Variants in LSAMP observed in about 807,000 individuals in gnomAD.
LSAMP encodes limbic system associated membrane protein.
In LSAMP, 7 loss-of-function variants were observed where a neutral mutation model predicts 38.6. The observed-to-expected ratio is 0.18, with a 90% CI of 0.10 to 0.34. The LOEUF is 0.34. LSAMP is among the 10% of genes least tolerant of loss of function. The probability of loss-of-function intolerance (pLI) is 1.00; values close to 1 mark genes in which losing one functional copy is unlikely to be tolerated. For missense variants in LSAMP, 313 were observed against 420.0 expected (o/e 0.75, Z 2.23); for synonymous variants, 154 against 166.8 (o/e 0.92, Z 0.59).
At chr3:116,278,993 G>A (rs1435610283) in intron 1 of LSAMP, among the ~76,000 whole-genome samples, 6 of 152,016 alleles carry the variant, frequency 3.9e-5, no homozygotes, top group South Asian at 2.1e-4. Flanking sequence ...TAAAACTATC[G>A]GCAAGTTTAT....
chr3:116,298,098 GTGTC>G (rs887554213), intron 1 of LSAMP, among the ~76,000 whole-genome samples: 3 of 152,010 alleles, frequency 2.0e-5, no homozygotes, highest in Non-Finnish European at 2.9e-5. Context: ...ATTCATCTAG[GTGTC>G]TGTCTATCTA....
At chr3:115,899,720 C>T (rs1313267836) in intron 3 of LSAMP, among the ~76,000 whole-genome samples, 1 of 152,178 alleles carries the variant, frequency 6.6e-6, no homozygotes, top group Non-Finnish European at 1.5e-5. Flanking sequence ...ATAGTCCAAA[C>T]ATCAACTTTG....
At chr3:116,380,241 C>T (rs779099597) in intron 1 of LSAMP, among the ~76,000 whole-genome samples, 13 of 151,888 alleles carry the variant, frequency 8.6e-5, no homozygotes, top group Non-Finnish European at 1.8e-4. Context: ...GTATTTGGAG[C>T]GTATAGAGAT....
In LSAMP at chr3:115,810,245, G is replaced by GTC. The variant is rs34933256; in HGVS notation, c.*70_*71dup. On this transcript the variant is annotated 3_prime_UTR_variant, in exon 7 of 7. Transcript: ENST00000490035. ...CATCTCTCTCTCTCTCTCTCTCTCT[G>GTC]TCTCTCTCTCTCTGTATTCTGTGTG... The GTC allele has an allele frequency of 2.3e-3, 1,922 of 836,920 alleles. No homozygotes were observed. Among genetic ancestry groups the GTC allele is most frequent in the Admixed American group, 3.0e-3 (116 of 38,038 alleles). 51.8% of individuals were successfully genotyped at this position (836,920 alleles called of 1,614,324 possible). A position where few individuals can be genotyped will look rare whatever the true frequency, so the allele number is the denominator to read the frequency against.
At chr3:116,347,733 C>G (rs77336789) in intron 1 of LSAMP, among the ~76,000 whole-genome samples, 3,912 of 152,164 alleles carry the variant, frequency 0.026, 76 homozygotes, top group Middle Eastern at 0.048. Flanking sequence ...CACACTAGAA[C>G]TCACGAAGCC....
At chr3:115,826,880 A>T (rs1194825906) in intron 6 of LSAMP, among the ~76,000 whole-genome samples, 2 of 152,110 alleles carry the variant, frequency 1.3e-5, no homozygotes, top group Non-Finnish European at 2.9e-5. Flanking sequence ...AAAAAAAATC[A>T]TACTATTTAC....
intron 3 of LSAMP, among the ~76,000 whole-genome samples, chr3:115,904,418 G>T (rs546687360): frequency 1.3e-5 from 2 of 151,890 alleles, no homozygotes; most frequent in Non-Finnish European, 2.9e-5. Context: ...CAAAGAAAAC[G>T]TCAGTCCCAG....
intron 1 of LSAMP, among the ~76,000 whole-genome samples, chr3:116,344,409 T>A (rs1375774612): frequency 6.6e-6 from 1 of 151,308 alleles, no homozygotes; most frequent in African/African-American, 2.4e-5. Flanking sequence ...AAGAAGGGGG[T>A]GATGAGGGGG....
In LSAMP at chr3:116,019,612, C is replaced by G. The variant is rs199591528; in HGVS notation, c.417G>C (p.Ser139=). The change falls in exon 3 of 7, where the codon TCG becomes TCC. Residue 139 remains serine (S), a synonymous_variant. Coordinates refer to ENST00000490035, the MANE Select transcript of LSAMP (RefSeq NM_002338.5). ...QVPPKISNIS[S]DVTVNEGSNV... ...TGCTGCCCTCATTCACAGTGACATC[C>G]GAGGAGATATTGGAGATCTTTGGTG... The G allele has an allele frequency of 1.1e-4, 181 of 1,612,494 alleles. No homozygotes were observed. The highest frequency in any genetic ancestry group is 1.5e-4 in the Non-Finnish European group (172 of 1,178,968).
At chr3:116,119,773 G>A in intron 1 of LSAMP, among the ~76,000 whole-genome samples, 1 of 151,014 alleles carries the variant, frequency 6.6e-6, no homozygotes, top group African/African-American at 2.4e-5. Flanking sequence ...AGATTCTCCT[G>A]CCTCAGCCTC....
intron 1 of LSAMP, among the ~76,000 whole-genome samples, chr3:116,215,744 T>C (rs1337139976): frequency 1.3e-5 from 2 of 152,132 alleles, no homozygotes; most frequent in Admixed American, 6.6e-5. Context: ...TTGCCCAAAG[T>C]TGGGTATGGT....
chr3:116,004,439 CAT>C (rs1365162409), intron 3 of LSAMP, among the ~76,000 whole-genome samples: 1 of 150,948 alleles, frequency 6.6e-6, no homozygotes, highest in Non-Finnish European at 1.5e-5. Flanking sequence ...CATATATACA[CAT>C]ATACATATAT....
At chr3:116,091,474 G>A (rs1008617521) in intron 1 of LSAMP, among the ~76,000 whole-genome samples, 9 of 152,214 alleles carry the variant, frequency 5.9e-5, no homozygotes, top group African/African-American at 2.2e-4. Flanking sequence ...GAAGTGAGAA[G>A]TGTCCATGAA....
intron 3 of LSAMP, among the ~76,000 whole-genome samples, chr3:115,932,717 G>A (rs1044003795): frequency 4.6e-5 from 7 of 151,934 alleles, no homozygotes; most frequent in Non-Finnish European, 1.0e-4. Flanking sequence ...TTTTTTACTA[G>A]TCTTTTCCAA....
chr3:116,105,968 G>A (rs1241776653), intron 1 of LSAMP, among the ~76,000 whole-genome samples: 2 of 151,412 alleles, frequency 1.3e-5, no homozygotes, highest in African/African-American at 2.4e-5. Context: ...CTGAAGGGAG[G>A]TCTTGTGGTA....
Position 115,876,348 on chromosome 3 carries a change from C to T in LSAMP, c.515-23731G>A, listed in dbSNP as rs372398124. ...CATAGGGATCATTAACTTTCCTTGA[C>T]AGAGGTTTAATTTCCATCAGACATT... On this transcript the variant is annotated intron_variant, in intron 3 of 6. Transcript: ENST00000490035. Among the ~76,000 whole-genome samples, 6 of 145,572 alleles carry T rather than the reference C, an allele frequency of 4.1e-5. No homozygotes were observed. The East Asian group carries it at 1.0e-3, about 25-fold the overall frequency.
At chr3:116,276,658 A>G (rs2047055794) in intron 1 of LSAMP, among the ~76,000 whole-genome samples, 1 of 150,224 alleles carries the variant, frequency 6.7e-6, no homozygotes. Flanking sequence ...CTGTACCCCA[A>G]TAACCTATGG....
At chr3:116,411,902 G>A (rs191262073) in intron 1 of LSAMP, among the ~76,000 whole-genome samples, 299 of 151,836 alleles carry the variant, frequency 2.0e-3, no homozygotes, top group African/African-American at 6.9e-3. Flanking sequence ...GAGGGAGTGG[G>A]ATCCTGAAAA....
intron 6 of LSAMP, among the ~76,000 whole-genome samples, chr3:115,829,953 A>G (rs1297663895): frequency 2.0e-5 from 3 of 152,214 alleles, no homozygotes; most frequent in African/African-American, 7.2e-5. Flanking sequence ...ACACATGTGT[A>G]TCTGAATATG....
Sources: allele counts gnomAD v4.1 joint callset (sites outside exome capture counted in the v4.1 genomes callset), GRCh38; gene constraint gnomAD v4.1.1; transcripts MANE v1.5; gene names NCBI Gene and HGNC (gene_info 2026-07-23, HGNC 2026-07-21).